RCAN2: variants seen among roughly 807,000 people sequenced by gnomAD.
The protein encoded by RCAN2 is calcipressin-2.
Under a neutral mutation model 23.6 loss-of-function variants are expected in RCAN2, and 9 were observed. The observed-to-expected ratio is 0.38, with a 90% CI of 0.23 to 0.67. RCAN2 has a LOEUF of 0.67. RCAN2 is among the 30% of genes least tolerant of loss of function. The pLI, the probability that RCAN2 is intolerant of heterozygous loss-of-function variation, is 0.51. For missense variants in RCAN2, 273 were observed against 302.3 expected, an observed-to-expected ratio of 0.90 and a Z score of 0.72; for synonymous variants, 109 against 115.7, an observed-to-expected ratio of 0.94 and a Z score of 0.37.
At chr6:46,307,334 G>C (rs1475550532) in intron 2 of RCAN2, among the ~76,000 whole-genome samples, 2 of 152,096 alleles carry the variant, frequency 1.3e-5, no homozygotes, top group Non-Finnish European at 2.9e-5. Context: ...CAGATGAGGG[G>C]TGTATGTGCC....
chr6:46,482,478 T>C (rs979761373), intron 1 of RCAN2, among the ~76,000 whole-genome samples: 5 of 152,156 alleles, frequency 3.3e-5, no homozygotes, highest in African/African-American at 4.8e-5. Context: ...AGGAGTGCTG[T>C]TGTGGTCTGT....
At position 46,366,675 on chromosome 6, in the gene RCAN2, A is replaced by G. The variant is rs1410968951; in HGVS notation, c.225+90077T>C. ...CATCACACCACCCCCCAACCCAGGG[A>G]TGTCTGATCACCTGGCCTGACTTCA... On this transcript the variant is annotated intron_variant, in intron 2 of 4. Transcript: ENST00000371374. Among the ~76,000 whole-genome samples, 4 of 151,902 alleles carry G rather than the reference A, an allele frequency of 2.6e-5. No homozygotes were observed. The East Asian group carries it at 7.8e-4, about 30-fold the overall frequency.
intron 1 of RCAN2, among the ~76,000 whole-genome samples, chr6:46,461,517 G>A (rs116340630): frequency 0.026 from 3,910 of 151,916 alleles, 155 homozygotes; most frequent in African/African-American, 0.09. Flanking sequence ...GAGCCCTAAG[G>A]GAATACCTTC....
chr6:46,291,629 C>T (rs931619125), intron 2 of RCAN2, among the ~76,000 whole-genome samples: 2 of 150,964 alleles, frequency 1.3e-5, no homozygotes, highest in Non-Finnish European at 2.9e-5. Flanking sequence ...TAGAAATATG[C>T]CCCTTACATT....
At chr6:46,227,907 C>T (rs1163563263) in intron 4 of RCAN2, among the ~76,000 whole-genome samples, 1 of 152,124 alleles carries the variant, frequency 6.6e-6, no homozygotes, top group African/African-American at 2.4e-5. Context: ...CTCTTGTGGG[C>T]ATTTAGTGCT....
intron 2 of RCAN2, among the ~76,000 whole-genome samples, chr6:46,388,540 A>T (rs770761431): frequency 2.6e-5 from 4 of 152,208 alleles, no homozygotes; most frequent in Non-Finnish European, 5.9e-5. Context: ...AAAGACATGC[A>T]ATCAACCTTA....
chr6:46,268,475 G>T (rs1185554960), intron 2 of RCAN2, among the ~76,000 whole-genome samples: 1 of 152,098 alleles, frequency 6.6e-6, no homozygotes, highest in African/African-American at 2.4e-5. Flanking sequence ...TAAATCTGGG[G>T]TTATTTCAGC....
intron 2 of RCAN2, among the ~76,000 whole-genome samples, chr6:46,288,323 C>T (rs1582068432): frequency 1.3e-5 from 2 of 152,236 alleles, no homozygotes; most frequent in East Asian, 3.8e-4. Context: ...GAGGCTTATT[C>T]TCTCATGCGG....
At chr6:46,230,476 T>G (rs1057374021) in intron 4 of RCAN2, among the ~76,000 whole-genome samples, 2 of 152,140 alleles carry the variant, frequency 1.3e-5, no homozygotes, top group African/African-American at 4.8e-5. Context: ...TCAGCAATGG[T>G]GGATGCCCCT....
At chr6:46,448,102 AT>A in intron 2 of RCAN2, among the ~76,000 whole-genome samples, 1 of 151,976 alleles carries the variant, frequency 6.6e-6, no homozygotes, top group Middle Eastern at 3.4e-3. Context: ...AGCTAGCTTA[AT>A]AAAAAAATCT....
chr6:46,427,986 C>T (rs1358912732), intron 2 of RCAN2, among the ~76,000 whole-genome samples: 2 of 152,164 alleles, frequency 1.3e-5, no homozygotes, highest in African/African-American at 4.8e-5. Flanking sequence ...AATTCAGCTA[C>T]AGGATGAATC....
intron 2 of RCAN2, among the ~76,000 whole-genome samples, chr6:46,396,188 T>G (rs1766083051): frequency 6.6e-6 from 1 of 152,148 alleles, no homozygotes; most frequent in Non-Finnish European, 1.5e-5. Context: ...GTCTGAATCT[T>G]GGTTACAATT....
chr6:46,476,286 A>T (rs1470158204), intron 1 of RCAN2, among the ~76,000 whole-genome samples: 1 of 152,160 alleles, frequency 6.6e-6, no homozygotes, highest in Non-Finnish European at 1.5e-5. Context: ...TGAAGGCAAT[A>T]TTTTTTGGTA....
chr6:46,348,688 G>C (rs1212932929), intron 2 of RCAN2, among the ~76,000 whole-genome samples: 1 of 152,134 alleles, frequency 6.6e-6, no homozygotes, highest in African/African-American at 2.4e-5. Flanking sequence ...TAGATGAAAG[G>C]ATTGTGTCAG....
intron 2 of RCAN2, among the ~76,000 whole-genome samples, chr6:46,268,017 T>C (rs565861405): frequency 2.0e-5 from 3 of 152,268 alleles, no homozygotes; most frequent in Admixed American, 1.3e-4. Context: ...AATAGCCACA[T>C]AGAGAAGTAA....
chr6:46,344,527 A>G (rs1764425729), intron 2 of RCAN2, among the ~76,000 whole-genome samples: 1 of 152,100 alleles, frequency 6.6e-6, no homozygotes, highest in Non-Finnish European at 1.5e-5. Context: ...TTTACAGCAT[A>G]TGTAGAAATA....
intron 2 of RCAN2, among the ~76,000 whole-genome samples, chr6:46,337,755 G>A (rs948194228): frequency 3.9e-5 from 6 of 152,160 alleles, no homozygotes; most frequent in South Asian, 2.1e-4. Context: ...CTCTAGCTCC[G>A]TCTTCTGAAG....
intron 2 of RCAN2, among the ~76,000 whole-genome samples, chr6:46,445,814 C>T (rs190739110): frequency 6.9e-6 from 1 of 144,974 alleles, no homozygotes; most frequent in East Asian, 2.1e-4. Context: ...ACTGGTGAAG[C>T]AGAAGAAAGC....
intron 2 of RCAN2, among the ~76,000 whole-genome samples, chr6:46,303,985 A>G (rs2150352662): frequency 6.6e-6 from 1 of 152,242 alleles, no homozygotes; most frequent in African/African-American, 2.4e-5. Flanking sequence ...CAGATCATAC[A>G]GTAGATATAG....
Sources: allele counts gnomAD v4.1 joint callset (sites outside exome capture counted in the v4.1 genomes callset), GRCh38; gene constraint gnomAD v4.1.1; transcripts MANE v1.5; gene names NCBI Gene and HGNC (gene_info 2026-07-23, HGNC 2026-07-21).